Variants in ITPA observed in about 807,000 individuals in gnomAD.
The protein encoded by ITPA is inosine triphosphate pyrophosphatase.
ITPA carries 29 observed loss-of-function variants against 29.6 expected under a neutral mutation model. The observed-to-expected ratio is 0.98, with a 90% CI of 0.73 to 1.34. The LOEUF is 1.34. Ranked by LOEUF, ITPA falls within the 40% of genes most tolerant of loss-of-function variation. ITPA has a pLI of 0.00. For missense variants in ITPA, 241 were observed against 251.5 expected (o/e 0.96, Z 0.28); for synonymous variants, 103 against 99.3 (o/e 1.04, Z -0.22).
intron 1 of ITPA, among the ~76,000 whole-genome samples, chr20:3,212,892 AG>A (rs2067205207): frequency 6.6e-6 from 1 of 151,968 alleles, no homozygotes; most frequent in Non-Finnish European, 1.5e-5. Flanking sequence ...GAGGATGGCT[AG>A]GGTTTCTGGG....
chr20:3,218,666 C>G, intron 6 of ITPA, 34 bp downstream of exon 6: 1 of 1,548,506 alleles, frequency 6.5e-7, no homozygotes, highest in Non-Finnish European at 8.9e-7. Flanking sequence ...TCCCGCCGCG[C>G]GCCGCCAGGG....
intron 6 of ITPA, among the ~76,000 whole-genome samples, chr20:3,219,593 A>C (rs2067407614): frequency 6.6e-6 from 1 of 151,956 alleles, no homozygotes; most frequent in South Asian, 2.1e-4. Flanking sequence ...AAAAATACAA[A>C]AAATATCTGG....
At chr20:3,217,175 C>T (rs2067327873) in intron 5 of ITPA, among the ~76,000 whole-genome samples, 1 of 152,190 alleles carries the variant, frequency 6.6e-6, no homozygotes, top group South Asian at 2.1e-4. Flanking sequence ...GTTACCGCAC[C>T]CATCCTTATG....
rs6139036 is a variant in ITPA, at chr20:3,221,543, T to C, written c.412-298T>C. Reference sequence around the variant, plus strand: ...TCTATCTTTCAAAGTAGCCTCATTGTTCTTCAGTGATGTCCCAATTTGTCC... The same window carrying C: ...TCTATCTTTCAAAGTAGCCTCATTGCTCTTCAGTGATGTCCCAATTTGTCC... On this transcript the variant is annotated intron_variant, in intron 6 of 7. Transcript: ENST00000380113. 0.25 allele frequency among the ~76,000 whole-genome samples: 38,102 copies of C among 151,500 alleles called. 5,767 individuals carry two copies. Among genetic ancestry groups the C allele is most frequent in the South Asian group, 0.5 (2,425 of 4,812 alleles).
At chr20:3,226,809 CCT>C (rs1380301101), downstream of ITPA, among the ~76,000 whole-genome samples, 4 of 152,300 alleles carry the variant, frequency 2.6e-5, no homozygotes, top group South Asian at 6.2e-4. The surrounding 1 kb of genome is among the most constrained non-coding windows in gnomAD (Gnocchi z 4.4). Context: ...CCGGCACTCC[CCT>C]GAGCCTCAGA....
downstream of ITPA, among the ~76,000 whole-genome samples, chr20:3,226,366 C>T (rs140872223): frequency 3.3e-4 from 51 of 152,278 alleles, no homozygotes; most frequent in African/African-American, 1.2e-3. The surrounding 1 kb of genome is among the most constrained non-coding windows in gnomAD (Gnocchi z 4.4). Flanking sequence ...CGGAGGAAAA[C>T]GTTTTGAGTT....
At chr20:3,206,387 CAAAAAAAAAA>C (rs143721062), upstream of ITPA, among the ~76,000 whole-genome samples, 15 of 33,634 alleles carry the variant, frequency 4.5e-4, 1 homozygote, top group African/African-American at 1.4e-3. Context: ...GACTCAGTCT[CAAAAAAAAAA>C]AAAAAAAAAA....
In ITPA at chr20:3,221,868, C is replaced by T; in HGVS notation, c.439C>T (p.Gln147Ter). Residue 147 changes from glutamine to a stop codon, truncating the protein, a stop_gained, in exon 7 of 8, where the codon CAG becomes TAG. Transcript: ENST00000380113. LOFTEE classifies it high-confidence loss of function. ...SGRIVAPRGC[Q>*]DFGWDPCFQP... ...CCGGATCGTGGCACCCAGAGGCTGC[C>T]AGGACTTTGGCTGGGACCCCTGCTT... The T allele has an allele frequency of 6.2e-7, 1 of 1,614,086 alleles. No individual in the cohort carries two copies. Among genetic ancestry groups the T allele is most frequent in the Non-Finnish European group, 8.5e-7 (1 of 1,180,030 alleles).
chr20:3,222,002 G>A (rs1347965781), intron 7 of ITPA, 85 bp downstream of exon 7: 2 of 1,319,378 alleles, frequency 1.5e-6, no homozygotes, highest in Admixed American at 1.7e-5. Flanking sequence ...CCAAGTGCAG[G>A]CATGCGGATA....
At position 3,223,571 on chromosome 20, in the gene ITPA, T is replaced by G; in HGVS notation, c.*109T>G. 1 of 832,054 alleles carries G rather than the reference T, an allele frequency of 1.2e-6. No individual in the cohort carries two copies. The highest frequency in any genetic ancestry group is 2.0e-6 in the Non-Finnish European group (1 of 504,570). The allele number at this position is 832,054 out of a possible 1,614,324, so 51.5% of individuals were successfully genotyped here. The stretch of plus-strand genomic sequence containing the variant: ...GAAGTACTTCCTTCAGGGTTTCCCC[T>G]TTGTGAGGGTGTCGAGTAGCCTCAC... On this transcript the variant is annotated 3_prime_UTR_variant, in exon 8 of 8. Transcript: ENST00000380113.
chr20:3,221,120 G>C (rs1270171674), intron 6 of ITPA, among the ~76,000 whole-genome samples: 1 of 151,796 alleles, frequency 6.6e-6, no homozygotes, highest in African/African-American at 2.4e-5. Flanking sequence ...TCAATTTCCT[G>C]GGCTCAAGTG....
chr20:3,224,392 C>T (rs536772929), downstream of ITPA, among the ~76,000 whole-genome samples: 1 of 152,270 alleles, frequency 6.6e-6, no homozygotes, highest in East Asian at 1.9e-4. Flanking sequence ...GAGTGCTCAA[C>T]CCCAAGGATA....
At chr20:3,215,104 C>A in intron 4 of ITPA, 177 bp from the exon 5 acceptor site, 1 of 640,690 alleles carries the variant, frequency 1.6e-6, no homozygotes, top group Non-Finnish European at 2.8e-6. Flanking sequence ...TGAGCTCAAG[C>A]GATCCGCCTG....
At chr20:3,213,860 GTGCTGTC>G in intron 3 of ITPA, 118 bp from the exon 4 acceptor site, 2 of 945,414 alleles carry the variant, frequency 2.1e-6, no homozygotes, top group Non-Finnish European at 3.5e-6. Context: ...AGCTCCCATG[GTGCTGTC>G]TGCCACAGAT....
intron 5 of ITPA, 117 bp downstream of exon 5, chr20:3,215,429 C>A: frequency 1.1e-6 from 1 of 882,730 alleles, no homozygotes; most frequent in South Asian, 1.4e-5. Flanking sequence ...CACCATGGAG[C>A]CTCCACCTCA....
At chr20:3,213,895 TG>T in intron 3 of ITPA, 89 bp from the exon 4 acceptor site, 1 of 1,328,402 alleles carries the variant, frequency 7.5e-7, no homozygotes, top group Non-Finnish European at 1.1e-6. Context: ...AGCTGAGGGC[TG>T]GCCCCAGCCT....
At chr20:3,222,352 A>G (rs2122448207) in intron 7 of ITPA, among the ~76,000 whole-genome samples, 1 of 151,766 alleles carries the variant, frequency 6.6e-6, no homozygotes, top group Middle Eastern at 3.4e-3. Context: ...CTGAGATTAC[A>G]GGCACGCACC....
intron 6 of ITPA, 195 bp from the exon 7 acceptor site, chr20:3,221,646 G>T: frequency 1.5e-6 from 1 of 659,666 alleles, no homozygotes; most frequent in Non-Finnish European, 2.8e-6. Flanking sequence ...CTGTGTGTGA[G>T]GGAAGAGCTG....
In ITPA at chr20:3,223,432, G is replaced by A. The variant is rs2067519177; in HGVS notation, c.555G>A (p.Leu185=). The A allele has an allele frequency of 6.2e-7, 1 of 1,613,712 alleles. No individual in the cohort carries two copies. The highest frequency in any genetic ancestry group is 8.5e-7 in the Non-Finnish European group (1 of 1,179,928). ...VSHRFRALLE[L]QEYFGSLAA ...ATCGCTTCCGGGCCCTGCTGGAGCT[G>A]CAGGAGTACTTTGGCAGTTTGGCAG... Residue 185 remains leucine, a synonymous_variant, in exon 8 of 8, where the codon CTG becomes CTA. Transcript: ENST00000380113.
Sources: allele counts gnomAD v4.1 joint callset (sites outside exome capture counted in the v4.1 genomes callset), GRCh38; gene constraint gnomAD v4.1.1; non-coding constraint Gnocchi (gnomAD v3.1); transcripts MANE v1.5; gene names NCBI Gene and HGNC (gene_info 2026-07-23, HGNC 2026-07-21).